The following DDX4 variants were observed in gnomAD, a reference collection of about 807,000 sequenced individuals.
DDX4 encodes the protein DEAD-box helicase 4.
DDX4 carries 25 observed loss-of-function variants against 100.0 expected under a neutral mutation model. That is an observed-to-expected ratio of 0.25 (90% CI 0.18 to 0.35). The LOEUF is 0.35. Among genes scored for constraint, DDX4 ranks in the 10% least tolerant of loss-of-function variants. The pLI, the probability that DDX4 is intolerant of heterozygous loss-of-function variation, is 1.00. For missense variants in DDX4, 635 were observed against 882.4 expected, an observed-to-expected ratio of 0.72 and a Z score of 3.55; for synonymous variants, 259 against 275.7, an observed-to-expected ratio of 0.94 and a Z score of 0.60.
At chr5:55,751,210 A>G (rs975715187) in intron 3 of DDX4, among the ~76,000 whole-genome samples, 21 of 152,064 alleles carry the variant, frequency 1.4e-4, no homozygotes, top group Non-Finnish European at 2.4e-4. Flanking sequence ...TAGCCAGTCT[A>G]TTTGGGTATA....
At chr5:55,781,788 A>T in intron 9 of DDX4, 146 bp from the exon 10 acceptor site, 3 of 872,284 alleles carry the variant, frequency 3.4e-6, no homozygotes, top group East Asian at 2.8e-5. Flanking sequence ...AAAAAAAAAA[A>T]GTTAAATCTA....
intron 3 of DDX4, among the ~76,000 whole-genome samples, chr5:55,755,210 A>G (rs1250451339): frequency 6.6e-6 from 1 of 152,194 alleles, no homozygotes; most frequent in Non-Finnish European, 1.5e-5. Context: ...ATTGACGAGT[A>G]GTAGAAATAA....
chr5:55,742,231 G>C (rs760602938), intron 2 of DDX4: 1 of 456,300 alleles, frequency 2.2e-6, no homozygotes, highest in South Asian at 1.5e-5. Flanking sequence ...TTATTGGGGT[G>C]AGTGTTAGAA....
chr5:55,796,823 C>CTTTTTTTTTTTTTTTTT lies in DDX4; in HGVS notation c.1470-1585_1470-1569dup, dbSNP rs3990072. 2.2e-3 allele frequency among the ~76,000 whole-genome samples: 132 copies of CTTTTTTTTTTTTTTTTT among 59,948 alleles called. 9 individuals carry two copies. Among genetic ancestry groups the CTTTTTTTTTTTTTTTTT allele is most frequent in the Non-Finnish European group, 2.9e-3 (89 of 30,914 alleles). 39.3% of individuals were successfully genotyped at this position (59,948 alleles called of 152,430 possible). A position where few individuals can be genotyped will look rare whatever the true frequency, so the allele number is the denominator to read the frequency against. On this transcript the variant is annotated intron_variant, in intron 17 of 21. Coordinates refer to ENST00000505374, the MANE Select transcript of DDX4 (RefSeq NM_024415.3). ...TTTTCTTTTCTTTTTTTCTTTCTTTCTTTTTTTTTTTTTTTTTTTTTTTTT... is the reference window on the plus strand; with the variant it reads ...TTTTCTTTTCTTTTTTTCTTTCTTTCTTTTTTTTTTTTTTTTTTTTTTTTTTTTTTTTTTTTTTTTTT...
chr5:55,758,237 A>G (rs957092113), intron 3 of DDX4, among the ~76,000 whole-genome samples: 6 of 152,146 alleles, frequency 3.9e-5, no homozygotes, highest in Non-Finnish European at 5.9e-5. Flanking sequence ...TTTTTTAGAT[A>G]TGGTAGTGTT....
chr5:55,786,702 G>A (rs774721034), intron 14 of DDX4, 32 bp downstream of exon 14: 43 of 1,585,858 alleles, frequency 2.7e-5, no homozygotes, highest in Non-Finnish European at 3.5e-5. Context: ...CAAACTGTTA[G>A]GTTTTTTGAG....
intron 7 of DDX4, among the ~76,000 whole-genome samples, chr5:55,775,657 T>A (rs1200773549): frequency 2.0e-5 from 3 of 152,196 alleles, no homozygotes; most frequent in South Asian, 4.1e-4. Flanking sequence ...AGTATTTTTT[T>A]AAAAAGTAAT....
chr5:55,810,666 C>T (rs1433226087), intron 18 of DDX4, among the ~76,000 whole-genome samples: 2 of 152,092 alleles, frequency 1.3e-5, no homozygotes, highest in African/African-American at 4.8e-5. Context: ...AATAGTAATA[C>T]ATCTAAAAAA....
chr5:55,762,737 T>G (rs924980071), intron 4 of DDX4, among the ~76,000 whole-genome samples: 1 of 152,012 alleles, frequency 6.6e-6, no homozygotes, highest in Admixed American at 6.6e-5. Context: ...CTTGTTTTAA[T>G]TTTAAAAATG....
intron 3 of DDX4, among the ~76,000 whole-genome samples, chr5:55,752,467 AATG>A (rs1456173200): frequency 6.8e-6 from 1 of 147,726 alleles, no homozygotes; most frequent in Non-Finnish European, 1.5e-5. Flanking sequence ...GTTTACTGAG[AATG>A]ATGATTTCCA....
At chr5:55,811,706 GGGA>G (rs1452724726) in intron 18 of DDX4, among the ~76,000 whole-genome samples, 2 of 152,154 alleles carry the variant, frequency 1.3e-5, no homozygotes, top group East Asian at 3.8e-4. Context: ...AAAGGAAATT[GGGA>G]GCAGGGAGAT....
Position 55,769,074 on chromosome 5 carries a change from T to TG in DDX4, c.394+1134_394+1135insG, listed in dbSNP as rs1741106373. 2.6e-5 allele frequency among the ~76,000 whole-genome samples: 4 copies of TG among 152,198 alleles called. No homozygotes were observed. The South Asian group carries it at 8.3e-4, about 32-fold the overall frequency. ...TTTCTCCCATTCTGTAGGTTGTCTG[T>TG]TTACTCTGCTGATAGTTTCTTTCGT... On this transcript the variant is annotated intron_variant, in intron 7 of 21. Transcript: ENST00000505374.
At chr5:55,763,102 T>A in intron 4 of DDX4, 73 bp from the exon 5 acceptor site, 2 of 1,014,378 alleles carry the variant, frequency 2.0e-6, no homozygotes, top group East Asian at 4.9e-5. Context: ...AGAAATTCAT[T>A]TAATTCTTAG....
At chr5:55,774,712 G>T (rs1392381511) in intron 7 of DDX4, among the ~76,000 whole-genome samples, 2 of 152,008 alleles carry the variant, frequency 1.3e-5, no homozygotes, top group Non-Finnish European at 2.9e-5. Flanking sequence ...TAGGGTGGGG[G>T]TCCAAATTCT....
chr5:55,765,787 A>G (rs1405259848), intron 6 of DDX4, among the ~76,000 whole-genome samples: 1 of 152,044 alleles, frequency 6.6e-6, no homozygotes, highest in Non-Finnish European at 1.5e-5. Flanking sequence ...GAACACGGCC[A>G]GGTACATACT....
chr5:55,744,431 G>A lies in DDX4; in HGVS notation c.70-1733G>A, dbSNP rs186451439. ...TTTGCCATAATTAAAGGAAGTTTAC[G>A]TGAGAAGAAATAAAGATGTGGATTA... On this transcript the variant is annotated intron_variant, in intron 2 of 21. Coordinates refer to ENST00000505374, the MANE Select transcript of DDX4 (RefSeq NM_024415.3). Among the ~76,000 whole-genome samples the A allele has an allele frequency of 1.1e-4, 17 of 152,230 alleles. No homozygotes were observed. In the East Asian group the frequency reaches 3.3e-3, roughly 29 times the overall value.
intron 1 of DDX4, 142 bp from the exon 2 acceptor site, chr5:55,738,808 C>T: frequency 1.5e-6 from 1 of 648,874 alleles, no homozygotes; most frequent in South Asian, 1.8e-5. Context: ...AGACCTAATT[C>T]CTTCTTTGGA....
chr5:55,758,201 T>C (rs905577587), intron 3 of DDX4, among the ~76,000 whole-genome samples: 1 of 152,244 alleles, frequency 6.6e-6, no homozygotes, highest in Admixed American at 6.5e-5. Context: ...AGATTAGTTA[T>C]TTTTTATTAA....
At chr5:55,809,590 G>T (rs1174305579) in intron 18 of DDX4, among the ~76,000 whole-genome samples, 1 of 152,180 alleles carries the variant, frequency 6.6e-6, no homozygotes, top group African/African-American at 2.4e-5. Flanking sequence ...TTACCTCTCA[G>T]ACCTCTTTAG....
Sources: allele counts gnomAD v4.1 joint callset (sites outside exome capture counted in the v4.1 genomes callset), GRCh38; gene constraint gnomAD v4.1.1; transcripts MANE v1.5; gene names NCBI Gene and HGNC (gene_info 2026-07-23, HGNC 2026-07-21).